CNTN4: variants seen among roughly 807,000 people sequenced by gnomAD.
CNTN4 encodes contactin-4.
In CNTN4, 77 loss-of-function variants were observed where a neutral mutation model predicts 122.5. The observed-to-expected ratio is 0.63, with a 90% CI of 0.52 to 0.76. The LOEUF is 0.76. CNTN4 is among the 30% of genes least tolerant of loss of function. The pLI is 0.00. For missense variants in CNTN4, 1,256 were observed against 1,259.1 expected (o/e 1.00, Z 0.04); for synonymous variants, 512 against 447.0 (o/e 1.15, Z -1.83).
chr3:2,734,898 T>C (rs1230924498), intron 4 of CNTN4, among the ~76,000 whole-genome samples: 1 of 152,174 alleles, frequency 6.6e-6, no homozygotes, highest in Non-Finnish European at 1.5e-5. Context: ...ATATTTAATA[T>C]AACTTTACAT....
At chr3:2,488,943 A>ATACAATATTTTTATCTAT (rs2076238048) in intron 3 of CNTN4, among the ~76,000 whole-genome samples, 1 of 152,256 alleles carries the variant, frequency 6.6e-6, no homozygotes, top group Non-Finnish European at 1.5e-5. Flanking sequence ...ATAGATAAAA[A>ATACAATATTTTTATCTAT]GGAATGATAA....
At chr3:2,736,397 A>C in intron 5 of CNTN4, 56 bp downstream of exon 5, 1 of 1,441,444 alleles carries the variant, frequency 6.9e-7, no homozygotes, top group Non-Finnish European at 9.7e-7. Context: ...TATTAAAATC[A>C]ACAAATACTT....
intron 7 of CNTN4, among the ~76,000 whole-genome samples, chr3:2,865,139 C>T (rs2093710559): frequency 6.6e-6 from 1 of 152,218 alleles, no homozygotes; most frequent in African/African-American, 2.4e-5. Context: ...CTCTTGACAC[C>T]AGCATGGGGT....
chr3:2,415,043 G>A (rs1336249684), intron 3 of CNTN4, among the ~76,000 whole-genome samples: 1 of 152,090 alleles, frequency 6.6e-6, no homozygotes, highest in African/African-American at 2.4e-5. Context: ...ACAAGTGTAG[G>A]TTTAATCAAT....
At chr3:2,530,371 C>T (rs911033890) in intron 3 of CNTN4, among the ~76,000 whole-genome samples, 1 of 147,894 alleles carries the variant, frequency 6.8e-6, no homozygotes, top group Non-Finnish European at 1.5e-5. Context: ...TGCAGTGGCA[C>T]GATCTCAGCT....
chr3:2,785,156 G>C (rs4130673), intron 6 of CNTN4, among the ~76,000 whole-genome samples: 2 of 149,752 alleles, frequency 1.3e-5, no homozygotes, highest in African/African-American at 5.0e-5. Context: ...TAGAGAGAGA[G>C]AGAGAGAGAG....
intron 2 of CNTN4, among the ~76,000 whole-genome samples, chr3:2,283,426 G>A (rs531397255): frequency 6.6e-6 from 1 of 152,078 alleles, no homozygotes; most frequent in East Asian, 1.9e-4. Flanking sequence ...GTATAGGCAA[G>A]TAGTCCTTGA....
intron 3 of CNTN4, among the ~76,000 whole-genome samples, chr3:2,366,673 G>A (rs1040224643): frequency 7.9e-5 from 12 of 151,784 alleles, no homozygotes; most frequent in Non-Finnish European, 1.8e-4. Context: ...CTTGCAGTGA[G>A]CCGAGATTGC....
At chr3:2,402,658 A>G (rs1046702918) in intron 3 of CNTN4, among the ~76,000 whole-genome samples, 2 of 151,882 alleles carry the variant, frequency 1.3e-5, no homozygotes, top group Admixed American at 1.3e-4. Context: ...TTTTCCTTCT[A>G]TCTGTATTTT....
chr3:2,884,201 A>T (rs1182596161), intron 9 of CNTN4, among the ~76,000 whole-genome samples: 1 of 152,118 alleles, frequency 6.6e-6, no homozygotes, highest in Admixed American at 6.5e-5. Flanking sequence ...TGCTCGTCTA[A>T]GTGCTGGGAT....
chr3:3,003,720 AAAC>A (rs1226193547), intron 14 of CNTN4, among the ~76,000 whole-genome samples: 2 of 150,746 alleles, frequency 1.3e-5, no homozygotes, highest in East Asian at 3.9e-4. Context: ...AAAAACAAAA[AAAC>A]CCCACTGAAT....
intron 3 of CNTN4, among the ~76,000 whole-genome samples, chr3:2,535,140 G>A (rs989010687): frequency 3.3e-5 from 5 of 151,998 alleles, no homozygotes; most frequent in African/African-American, 4.8e-5. Flanking sequence ...TCCTCTTTGC[G>A]TCTTCTGAGA....
chr3:2,304,152 G>A (rs2150092610), intron 2 of CNTN4, among the ~76,000 whole-genome samples: 1 of 152,244 alleles, frequency 6.6e-6, no homozygotes, highest in South Asian at 2.1e-4. Context: ...ATTGTAATGG[G>A]AAGTTAGAAG....
rs1220761684 is a variant in CNTN4, at chr3:2,600,005, C to CTTTTTT, written c.55+28449_55+28450insTTTTTT. The stretch of plus-strand genomic sequence containing the variant: ...CAACTCTATTTTGGTTTATGGAATT[C>CTTTTTT]TTCTTTTTTTTTTTTTTTTTTTTTT... On this transcript the variant is annotated intron_variant, in intron 4 of 24. Transcript: ENST00000418658. 3.5e-4 allele frequency among the ~76,000 whole-genome samples: 10 copies of CTTTTTT among 28,302 alleles called. 1 individual carries two copies. Among genetic ancestry groups the CTTTTTT allele is most frequent in the African/African-American group, 3.9e-4 (5 of 12,742 alleles). 18.6% of individuals were successfully genotyped at this position (28,302 alleles called of 152,430 possible).
chr3:2,399,063 C>T (rs1002563155), intron 3 of CNTN4, among the ~76,000 whole-genome samples: 26 of 151,896 alleles, frequency 1.7e-4, no homozygotes, highest in African/African-American at 6.0e-4. Context: ...TTTGGTCCAA[C>T]CCAGTCATTA....
At chr3:2,109,872 G>A (rs1212752294) in intron 2 of CNTN4, among the ~76,000 whole-genome samples, 1 of 152,144 alleles carries the variant, frequency 6.6e-6, no homozygotes, top group Non-Finnish European at 1.5e-5. Context: ...TATTTTTAGT[G>A]TATTTAATTG....
chr3:2,274,029 C>G (rs937253181), intron 2 of CNTN4, among the ~76,000 whole-genome samples: 1 of 152,108 alleles, frequency 6.6e-6, no homozygotes, highest in Non-Finnish European at 1.5e-5. Flanking sequence ...GGTAGATACA[C>G]TTTTCCATTC....
At chr3:2,187,816 A>T (rs2037345643) in intron 2 of CNTN4, among the ~76,000 whole-genome samples, 1 of 152,124 alleles carries the variant, frequency 6.6e-6, no homozygotes, top group South Asian at 2.1e-4. Context: ...GTTTTCTCTC[A>T]GCTCAGATTT....
At chr3:2,313,011 G>C (rs1351794399) in intron 2 of CNTN4, among the ~76,000 whole-genome samples, 1 of 151,850 alleles carries the variant, frequency 6.6e-6, no homozygotes, top group Non-Finnish European at 1.5e-5. Context: ...CCTTAAAAAA[G>C]TTATCACATG....
Sources: allele counts gnomAD v4.1 joint callset (sites outside exome capture counted in the v4.1 genomes callset), GRCh38; gene constraint gnomAD v4.1.1; transcripts MANE v1.5; gene names NCBI Gene and HGNC (gene_info 2026-07-23, HGNC 2026-07-21).